The following KLRG1 variants were observed in gnomAD, a reference collection of about 807,000 sequenced individuals.
KLRG1 encodes killer cell lectin like receptor G1, also known as killer cell lectin-like receptor subfamily G member 1.
Under a neutral mutation model 21.8 loss-of-function variants are expected in KLRG1, and 16 were observed. The observed-to-expected ratio is 0.73, with a 90% CI of 0.50 to 1.11. The LOEUF is 1.11. Among genes scored for constraint, KLRG1 ranks in the 50% most tolerant of loss-of-function variants. KLRG1 has a pLI of 0.00. For missense variants in KLRG1, 173 were observed against 218.3 expected (o/e 0.79, Z 1.31); for synonymous variants, 69 against 75.9 (o/e 0.91, Z 0.47).
At chr12:9,054,419 C>T in the KLRG1 span, among the ~76,000 whole-genome samples, 3 of 151,898 alleles carry the variant, frequency 2.0e-5, no homozygotes, top group African/African-American at 7.3e-5. Context: ...AATAATAGTT[C>T]ATGGACTTCT....
rs774416643 is a variant in KLRG1, at chr12:8,999,961, G to A, written c.357+4673G>A. ...GAGGCAGGAGAATCACTTGAGCCCC[G>A]GAGGCAGAGGTCTCAGTGAGCCGAG... is the stretch of plus-strand genomic sequence containing the variant. On this transcript the variant is annotated intron_variant, in intron 3 of 4. Coordinates refer to ENST00000356986, the MANE Select transcript of KLRG1 (RefSeq NM_005810.4). Among the ~76,000 whole-genome samples the A allele has an allele frequency of 1.1e-4, 17 of 152,162 alleles. No homozygotes were observed. In the East Asian group the frequency reaches 1.2e-3, roughly 10 times the overall value.
At chr12:9,017,282 A>G in the KLRG1 span, among the ~76,000 whole-genome samples, 2 of 150,264 alleles carry the variant, frequency 1.3e-5, no homozygotes, top group South Asian at 2.1e-4. Flanking sequence ...AAAAAAAAAA[A>G]AAAAAAAAGA....
the KLRG1 span, chr12:9,196,595 C>T: frequency 1.2e-6 from 2 of 1,611,812 alleles, no homozygotes; most frequent in Non-Finnish European, 1.7e-6. Context: ...CTGATCCTGG[C>T]TTCCACTCTA....
Position 8,978,528 on chromosome 12 carries a change from T to C in KLRG1, c.-155-13678T>C, listed in dbSNP as rs778779764. 7.1e-4 allele frequency among the ~76,000 whole-genome samples: 108 copies of C among 152,250 alleles called. 1 individual carries two copies. Among genetic ancestry groups the C allele is most frequent in the African/African-American group, 2.6e-3 (106 of 41,552 alleles). On this transcript the variant is annotated intron_variant, in intron 1 of 4. Transcript: ENST00000539240. ...TCTAGGTATATCTTGGTTGGCTGTT[T>C]TCTCTTTCAGTACTTTGAATATTTT...
the KLRG1 span, chr12:9,181,251 T>A: frequency 7.8e-7 from 1 of 1,274,410 alleles, no homozygotes; most frequent in African/African-American, 1.5e-5. Flanking sequence ...GTAATGTCAG[T>A]CAGAAACCTA....
the KLRG1 span, among the ~76,000 whole-genome samples, chr12:9,209,478 G>A: frequency 5.3e-5 from 8 of 151,790 alleles, no homozygotes; most frequent in East Asian, 1.9e-4. Context: ...AAAGACACTC[G>A]TACCTTACAT....
chr12:9,104,457 A>G, the KLRG1 span: 7 of 1,507,554 alleles, frequency 4.6e-6, no homozygotes, highest in Non-Finnish European at 6.3e-6. Context: ...GGCACCAAAC[A>G]TATTCATTTA....
the KLRG1 span, among the ~76,000 whole-genome samples, chr12:9,140,271 G>A: frequency 1.2e-4 from 19 of 152,268 alleles, no homozygotes; most frequent in Non-Finnish European, 1.8e-4. Context: ...AGTAGGGGGG[G>A]GCCCAGGAAT....
chr12:9,157,347 A>G, the KLRG1 span: 1 of 1,612,608 alleles, frequency 6.2e-7, no homozygotes, highest in Non-Finnish European at 8.5e-7. Context: ...CATTGCGAAC[A>G]ATAGGGTTCT....
At chr12:9,155,305 TCTCTC>T in the KLRG1 span, among the ~76,000 whole-genome samples, 1 of 152,222 alleles carries the variant, frequency 6.6e-6, no homozygotes, top group Non-Finnish European at 1.5e-5. Context: ...TCTTTTTTTT[TCTCTC>T]CAACTGAATC....
chr12:9,160,534 T>C, the KLRG1 span: 1 of 1,570,568 alleles, frequency 6.4e-7, no homozygotes, highest in African/African-American at 1.4e-5. Flanking sequence ...TTTCAGTTCA[T>C]AAATAGCCAA....
the KLRG1 span, chr12:9,165,460 CTG>C: frequency 7.2e-7 from 1 of 1,383,082 alleles, no homozygotes; most frequent in Non-Finnish European, 1.0e-6. Context: ...ACGTCAAGAA[CTG>C]AATCCACTTA....
chr12:9,001,439 C>T lies in KLRG1; in HGVS notation c.357+6151C>T, dbSNP rs767127865. Among the ~76,000 whole-genome samples the T allele has an allele frequency of 8.5e-5, 13 of 152,236 alleles. No homozygotes were observed. In the South Asian group the frequency reaches 2.7e-3, roughly 32 times the overall value. ...GACCCGCCCAGCTACAGGTTTTTCC[C>T]CTGCAGGCTCTACCCAAACCCCAGC... On this transcript the variant is annotated intron_variant, in intron 3 of 4. Transcript: ENST00000356986.
intron 1 of KLRG1, among the ~76,000 whole-genome samples, chr12:8,965,737 A>G (rs896818556): frequency 7.2e-5 from 11 of 152,340 alleles, no homozygotes; most frequent in African/African-American, 2.6e-4. Context: ...AGGAAGAATC[A>G]ATATCGTGAA....
chr12:9,160,107 G>T, the KLRG1 span: 1 of 1,345,806 alleles, frequency 7.4e-7, no homozygotes, highest in South Asian at 1.2e-5. Flanking sequence ...GCATCCAGGC[G>T]CCATGGACAT....
At chr12:9,201,130 T>C in the KLRG1 span, 3 of 1,559,664 alleles carry the variant, frequency 1.9e-6, no homozygotes, top group East Asian at 2.2e-5. Flanking sequence ...TCAAATGATT[T>C]TGAAGGTGAT....
the KLRG1 span, chr12:9,169,345 T>A: frequency 3.9e-6 from 5 of 1,283,762 alleles, no homozygotes; most frequent in Non-Finnish European, 5.3e-6. Flanking sequence ...GGCTACATAA[T>A]TACTAAGATT....
chr12:9,186,020 A>C, the KLRG1 span, among the ~76,000 whole-genome samples: 860 of 151,938 alleles, frequency 5.7e-3, no homozygotes, highest in South Asian at 9.8e-3. Context: ...GTTGGCCAGG[A>C]TGGTCTCGAT....
the KLRG1 span, chr12:9,201,489 T>G: frequency 1.6e-6 from 1 of 614,110 alleles, no homozygotes; most frequent in South Asian, 2.5e-5. Context: ...TGGAAAAATC[T>G]CAGGGAAATT....
Sources: gnomAD v4.1 joint callset for allele counts (sites outside exome capture counted in the v4.1 genomes callset) on GRCh38, gnomAD v4.1.1 for gene constraint, MANE v1.5 for transcripts, NCBI Gene and HGNC (gene_info 2026-07-23, HGNC 2026-07-21) for gene names.